CPNE1: variants seen among roughly 807,000 people sequenced by gnomAD.
The protein encoded by CPNE1 is copine-1.
CPNE1 carries 58 observed loss-of-function variants against 63.2 expected under a neutral mutation model. That is an observed-to-expected ratio of 0.92 (90% CI 0.74 to 1.14). The LOEUF (loss-of-function observed/expected upper bound fraction) is 1.14, where lower values mean the gene tolerates loss of function less well. Ranked by LOEUF, CPNE1 falls within the 50% of genes most tolerant of loss-of-function variation. The pLI is 0.00. For synonymous variants in CPNE1, 237 were observed against 249.0 expected (o/e 0.95, Z 0.45); for missense variants, 672 against 661.7 (o/e 1.02, Z -0.17).
chr20:35,636,726 G>A (rs2146298253), intron 1 of CPNE1, among the ~76,000 whole-genome samples: 1 of 152,128 alleles, frequency 6.6e-6, no homozygotes, highest in Admixed American at 6.5e-5. Context: ...GGGAGTTGGA[G>A]GTTGCAGTGA....
chr20:35,658,247 G>T (rs917833499), intron 1 of CPNE1, among the ~76,000 whole-genome samples: 3 of 151,980 alleles, frequency 2.0e-5, no homozygotes, highest in Admixed American at 6.6e-5. Context: ...TAAAACATGT[G>T]ACCCATTATC....
At chr20:35,641,000 C>T (rs182062135) in intron 1 of CPNE1, among the ~76,000 whole-genome samples, 145 of 152,316 alleles carry the variant, frequency 9.5e-4, no homozygotes, top group Non-Finnish European at 1.8e-4. Flanking sequence ...ATTTTTCTGC[C>T]TCTGCTTTCT....
chr20:35,654,199 C>A, intron 1 of CPNE1: 1 of 1,614,214 alleles, frequency 6.2e-7, no homozygotes, highest in Non-Finnish European at 8.5e-7. Context: ...TGTGGCAGGG[C>A]TAACTTCCAC....
At chr20:35,661,729 ATGTC>A (rs1299996105) in intron 1 of CPNE1, among the ~76,000 whole-genome samples, 4 of 152,222 alleles carry the variant, frequency 2.6e-5, no homozygotes, top group South Asian at 2.1e-4. Flanking sequence ...TCAGAAAAAA[ATGTC>A]TGACAACAAA....
intron 4 of CPNE1, 23 bp from the exon 5 acceptor site, chr20:35,632,257 C>A: frequency 6.2e-7 from 1 of 1,612,352 alleles, no homozygotes; most frequent in African/African-American, 1.3e-5. Context: ...GACTACATCA[C>A]CTCATGAATT....
chr20:35,631,419 T>C (rs1265997988), intron 8 of CPNE1, 65 bp from the exon 9 acceptor site: 1 of 1,601,304 alleles, frequency 6.2e-7, no homozygotes, highest in Non-Finnish European at 8.6e-7. Flanking sequence ...TCGAGCTGCC[T>C]TCTCCTTCCT....
intron 1 of CPNE1, chr20:35,654,677 T>TAGGTACTGGAGG (rs768937384): frequency 6.2e-7 from 1 of 1,613,396 alleles, no homozygotes; most frequent in Non-Finnish European, 8.5e-7. Context: ...GGAGGCAATG[T>TAGGTACTGGAGG]AGGTACTGGA....
Position 35,632,509 on chromosome 20 carries a change from C to G in CPNE1, c.309+8G>C. 6.2e-7 allele frequency: 1 copy of G among 1,613,420 alleles called. No individual in the cohort carries two copies. The highest frequency in any genetic ancestry group is 8.5e-7 in the Non-Finnish European group (1 of 1,179,560). The stretch of plus-strand genomic sequence containing the variant: ...ATCTGAAGGATCCTAATCCCCAGCC[C>G]TACATACCTGTCCTAGGGAACACTC... On this transcript the variant is annotated splice_region_variant and intron_variant, in intron 3 of 15. Coordinates refer to ENST00000397443, the MANE Select transcript of CPNE1 (RefSeq NM_152925.3).
intron 1 of CPNE1, among the ~76,000 whole-genome samples, chr20:35,648,046 C>G (rs1185433821): frequency 1.3e-5 from 2 of 148,180 alleles, no homozygotes; most frequent in Admixed American, 6.7e-5. Context: ...GCCTGGGCAA[C>G]AGATACAGAC....
intron 1 of CPNE1, among the ~76,000 whole-genome samples, chr20:35,645,130 G>A (rs1394438121): frequency 6.6e-6 from 1 of 152,122 alleles, no homozygotes; most frequent in Non-Finnish European, 1.5e-5. Flanking sequence ...GTGCACAAAA[G>A]GAGTGTATAT....
chr20:35,662,918 T>C (rs746963473), intron 1 of CPNE1, among the ~76,000 whole-genome samples: 1 of 152,232 alleles, frequency 6.6e-6, no homozygotes, highest in Admixed American at 6.5e-5. Flanking sequence ...TCTAACAGAT[T>C]TGAACATAAA....
At chr20:35,632,723 C>T (rs777352209) in intron 2 of CPNE1, 27 bp from the exon 3 acceptor site, 1 of 887,536 alleles carries the variant, frequency 1.1e-6, no homozygotes, top group Non-Finnish European at 1.9e-6. Context: ...GTAAGCATCA[C>T]AGTCACAGCC....
At chr20:35,634,392 G>A (rs753643233) in intron 1 of CPNE1, among the ~76,000 whole-genome samples, 3 of 151,296 alleles carry the variant, frequency 2.0e-5, no homozygotes, top group Non-Finnish European at 4.4e-5. Context: ...TCAGGAGTTC[G>A]AGACCAGCCT....
At chr20:35,661,891 G>A (rs960230780) in intron 1 of CPNE1, among the ~76,000 whole-genome samples, 1 of 152,110 alleles carries the variant, frequency 6.6e-6, no homozygotes, top group African/African-American at 2.4e-5. Flanking sequence ...AGGTTCTTCA[G>A]ATCCAAAAGA....
chr20:35,653,472 A>G (rs2033685669), intron 1 of CPNE1: 1 of 1,614,134 alleles, frequency 6.2e-7, no homozygotes, highest in Non-Finnish European at 8.5e-7. Flanking sequence ...GGGTAACTAC[A>G]TGAACAAAAG....
At chr20:35,636,175 G>T (rs2032476709) in intron 1 of CPNE1, among the ~76,000 whole-genome samples, 1 of 152,198 alleles carries the variant, frequency 6.6e-6, no homozygotes, top group Non-Finnish European at 1.5e-5. Context: ...AATGTGGCCT[G>T]CAGACTTCTG....
At chr20:35,630,609 A>T in intron 12 of CPNE1, 119 bp from the exon 13 acceptor site, 3 of 1,440,300 alleles carry the variant, frequency 2.1e-6, no homozygotes, top group Non-Finnish European at 2.0e-6. Context: ...CTTGCTGTCT[A>T]CGTGCCTGCA....
intron 1 of CPNE1, among the ~76,000 whole-genome samples, chr20:35,633,955 G>A (rs1170940001): frequency 8.0e-4 from 73 of 90,756 alleles, no homozygotes; most frequent in African/African-American, 2.8e-3. Context: ...GCAAGATTCC[G>A]TCTCAAAAAA....
chr20:35,663,277 CTA>C (rs982711076), intron 1 of CPNE1, among the ~76,000 whole-genome samples: 1 of 152,296 alleles, frequency 6.6e-6, no homozygotes, highest in East Asian at 1.9e-4. Flanking sequence ...CAAGATTTCC[CTA>C]TGTGTCCAGA....
Sources: gnomAD v4.1 joint callset for allele counts (sites outside exome capture counted in the v4.1 genomes callset) on GRCh38, gnomAD v4.1.1 for gene constraint, MANE v1.5 for transcripts, NCBI Gene and HGNC (gene_info 2026-07-23, HGNC 2026-07-21) for gene names.